Variants in MARF1 observed in about 807,000 individuals in gnomAD.
MARF1 encodes meiosis regulator and mRNA stability factor 1.
A neutral mutation model predicts 168.2 loss-of-function variants in MARF1; 24 were observed. The observed-to-expected ratio is 0.14, with a 90% confidence interval of 0.10 to 0.20. MARF1 has a LOEUF of 0.20. Among genes scored for constraint, MARF1 ranks in the 10% least tolerant of loss-of-function variants. MARF1 has a pLI of 1.00. For missense variants in MARF1, 1,744 were observed against 2,143.6 expected, an observed-to-expected ratio of 0.81 and a Z score of 3.68; for synonymous variants, 868 against 822.4, an observed-to-expected ratio of 1.06 and a Z score of -0.95.
At chr16:15,622,097 T>G (rs761470533) in intron 11 of MARF1, among the ~76,000 whole-genome samples, 186 bp from the exon 12 acceptor site, 2 of 152,166 alleles carry the variant, frequency 1.3e-5, no homozygotes, top group African/African-American at 2.4e-5. Flanking sequence ...TTTAGAGATG[T>G]GACACTGGCC....
chr16:15,630,026 A>G (rs1481656812), intron 7 of MARF1, among the ~76,000 whole-genome samples: 2 of 152,252 alleles, frequency 1.3e-5, no homozygotes, highest in Non-Finnish European at 2.9e-5. Context: ...ATGACTTTTA[A>G]TCCGTTATTT....
chr16:15,611,456 A>C (rs908332048), intron 18 of MARF1, 136 bp downstream of exon 18: 70 of 808,136 alleles, frequency 8.7e-5, no homozygotes, highest in East Asian at 4.0e-4. Context: ...CAAAAAAAAA[A>C]AAAAAAAAAC....
At chr16:15,601,370 C>G (rs2032406489) in intron 23 of MARF1, 1 of 290,980 alleles carries the variant, frequency 3.4e-6, no homozygotes, top group Admixed American at 4.4e-5. Flanking sequence ...GCCTGCTTCT[C>G]TCGGCTCTAC....
chr16:15,605,516 C>A (rs2032933613), intron 21 of MARF1, among the ~76,000 whole-genome samples: 1 of 152,070 alleles, frequency 6.6e-6, no homozygotes, highest in African/African-American at 2.4e-5. Context: ...CCAACCGATA[C>A]AAGTCCAGGG....
At position 15,636,240 on chromosome 16, in the gene MARF1, T is replaced by C. The variant is rs2035590582; in HGVS notation, c.247A>G (p.Ile83Val). The C allele has an allele frequency of 3.7e-6, 6 of 1,614,158 alleles. No individual in the cohort carries two copies. Among genetic ancestry groups the C allele is most frequent in the South Asian group, 3.3e-5 (3 of 91,078 alleles). The change falls in exon 3 of 27, where the codon ATT (isoleucine) becomes GTT (valine). Residue 83 changes from isoleucine to valine, a missense_variant. Physicochemically the swap from Ile to Val is conservative, Grantham distance 29. Transcript: ENST00000396368. ...KLFPAVPLPD[I>V]RSLQQPKIQL... ...ATTTTAGGCTGCTGAAGAGAACGAA[T>C]ATCAGGAAGTGGGACTGCTGGAAAA...
At position 15,595,658 on chromosome 16, in the gene MARF1, A is replaced by G. The variant is rs942226214; in HGVS notation, c.*1035T>C. 2 of 152,162 alleles carry G rather than the reference A, an allele frequency of 1.3e-5. No homozygotes were observed. The highest frequency in any genetic ancestry group is 2.9e-5 in the Non-Finnish European group (2 of 68,022). 9.4% of individuals were successfully genotyped at this position (152,162 alleles called of 1,614,324 possible). On this transcript the variant is annotated 3_prime_UTR_variant, in exon 27 of 27. Transcript: ENST00000396368. ...TGCTGAGCTGACATACACACACATA[A>G]AGCTTCCCAGCTACCGATACCAGCT... is the stretch of plus-strand genomic sequence containing the variant.
In MARF1 at chr16:15,621,841, T is replaced by G; in HGVS notation, c.2531A>C (p.Gln844Pro). 2 of 1,614,210 alleles carry G rather than the reference T, an allele frequency of 1.2e-6. No individual in the cohort carries two copies. The highest frequency in any genetic ancestry group is 1.7e-6 in the Non-Finnish European group (2 of 1,180,030). ...GCTATTCACTGCACCGATCGCATCT[T>G]GTAAGTTTTCCATTTGCACAACAGC... ...LKAVVQMENL[Q>P]DAIGAVNSLH... The change falls in exon 12 of 27, where the codon CAA (glutamine) becomes CCA (proline). Residue 844 changes from glutamine to proline, a missense_variant. Gln to Pro is a moderately conservative substitution (Grantham distance 76). Coordinates refer to ENST00000396368, the MANE Select transcript of MARF1 (RefSeq NM_014647.4).
Position 15,636,385 on chromosome 16 carries a change from C to A in MARF1, c.145-43G>T, listed in dbSNP as rs199723422. The A allele has an allele frequency of 1.8e-5, 26 of 1,479,488 alleles. No individual in the cohort carries two copies. The Middle Eastern group carries it at 5.5e-4, about 31-fold the overall frequency. The allele number at this position is 1,479,488 out of a possible 1,614,324, so 91.6% of individuals were successfully genotyped here. ...GAACATAAATTAATTTTATGAGGTCCGTGGTTTTTTGGTTACTCATATCTT... is the reference window on the plus strand; with the variant it reads ...GAACATAAATTAATTTTATGAGGTCAGTGGTTTTTTGGTTACTCATATCTT... On this transcript the variant is annotated intron_variant, in intron 2 of 26. Transcript: ENST00000396368.
chr16:15,607,966 C>T (rs2151079258), intron 21 of MARF1, among the ~76,000 whole-genome samples: 1 of 152,296 alleles, frequency 6.6e-6, no homozygotes, highest in Middle Eastern at 3.4e-3. Flanking sequence ...AGGAGTCAAG[C>T]TCAGGCCAGC....
chr16:15,596,814 G>A lies in MARF1; in HGVS notation c.5108C>T (p.Ser1703Phe). The A allele has an allele frequency of 6.2e-7, 1 of 1,614,178 alleles. No homozygotes were observed. ...GAGCAGTGACTCGGAGGTTTCCGAG[G>A]AGGGGCAGGGAGGCACGGGGACAGC... ...SAAVPVPPCP[S>F]SETSESLLSK... The change falls in exon 27 of 27, where the codon TCC (serine) becomes TTC (phenylalanine). Residue 1703 changes from serine to phenylalanine, a missense_variant. Ser to Phe is a radical substitution (Grantham distance 155). Around this residue, in one of 7 missense-constraint regions of MARF1, gnomAD observed 313 missense variants for 337.4 expected, o/e 0.93. Coordinates refer to ENST00000396368, the MANE Select transcript of MARF1 (RefSeq NM_014647.4).
chr16:15,598,789 G>GT (rs1436219687), intron 26 of MARF1, 65 bp downstream of exon 26: 3 of 1,457,900 alleles, frequency 2.1e-6, no homozygotes, highest in African/African-American at 2.8e-5. Context: ...TACTATATCA[G>GT]TATCTCATCG....
intron 2 of MARF1, 61 bp from the exon 3 acceptor site, chr16:15,636,403 C>A: frequency 8.1e-7 from 1 of 1,241,604 alleles, no homozygotes; most frequent in Non-Finnish European, 1.1e-6. Flanking sequence ...TTTGGTTACT[C>A]ATATCTTACT....
Position 15,596,408 on chromosome 16 carries a change from CA to C in MARF1, c.*284del, listed in dbSNP as rs1302645624. 4.0e-6 allele frequency: 1 copy of C among 251,158 alleles called. No individual in the cohort carries two copies. Among genetic ancestry groups the C allele is most frequent in the East Asian group, 7.6e-5 (1 of 13,194 alleles). 15.6% of individuals were successfully genotyped at this position (251,158 alleles called of 1,614,324 possible). ...CTTCTTTTGGAACACCATTGTATTT[CA>C]TAATAGTTACTAAAAATTTGGTAAA... On this transcript the variant is annotated 3_prime_UTR_variant, in exon 27 of 27. Transcript: ENST00000396368.
At chr16:15,624,978 T>G in intron 9 of MARF1, 38 bp downstream of exon 9, 1 of 1,613,520 alleles carries the variant, frequency 6.2e-7, no homozygotes, top group African/African-American at 1.3e-5. Flanking sequence ...TTCCTTCACA[T>G]TCAAGAAGCA....
At chr16:15,613,683 A>ATAAATAAATAAG (rs1555524023) in intron 16 of MARF1, among the ~76,000 whole-genome samples, 2 of 145,900 alleles carry the variant, frequency 1.4e-5, no homozygotes, top group African/African-American at 5.1e-5. Context: ...AAATAAATAA[A>ATAAATAAATAAG]TAAATAAAAT....
At chr16:15,621,640 G>A (rs1382147770) in intron 12 of MARF1, 93 bp downstream of exon 12, 1 of 1,183,584 alleles carries the variant, frequency 8.4e-7, no homozygotes, top group Non-Finnish European at 1.2e-6. Context: ...TCACAAGGGG[G>A]TGGGAATGTG....
chr16:15,639,307 A>C lies in MARF1; in HGVS notation c.-58-16T>G. 6.7e-7 allele frequency: 1 copy of C among 1,492,762 alleles called. No homozygotes were observed. The highest frequency in any genetic ancestry group is 2.3e-5 in the East Asian group (1 of 43,952). The allele number at this position is 1,492,762 out of a possible 1,614,324, so 92.5% of individuals were successfully genotyped here. Reference sequence around the variant, plus strand: ...TTCTTCCACCCTGTTAAGAATGAGTAAGATTTCAGTGTTATTTCCTTGCAT... The same window carrying C: ...TTCTTCCACCCTGTTAAGAATGAGTCAGATTTCAGTGTTATTTCCTTGCAT... On this transcript the variant is annotated splice_polypyrimidine_tract_variant and intron_variant, in intron 1 of 26. Transcript: ENST00000396368.
At chr16:15,598,540 A>T (rs934524302) in intron 26 of MARF1, among the ~76,000 whole-genome samples, 5 of 152,076 alleles carry the variant, frequency 3.3e-5, no homozygotes, top group African/African-American at 9.7e-5. Flanking sequence ...AGAGCAGCTG[A>T]ACCTTCACAA....
intron 5 of MARF1, 69 bp from the exon 6 acceptor site, chr16:15,631,567 A>G: frequency 2.8e-6 from 3 of 1,084,050 alleles, no homozygotes; most frequent in South Asian, 2.9e-5. Context: ...CATTCTGCCC[A>G]TATTTTTTAT....
Sources: allele counts gnomAD v4.1 joint callset (sites outside exome capture counted in the v4.1 genomes callset), GRCh38; gene constraint gnomAD v4.1.1; regional missense constraint gnomAD v4.1.1; transcripts MANE v1.5; gene names NCBI Gene and HGNC (gene_info 2026-07-23, HGNC 2026-07-21).